CHRM5: variants seen among roughly 807,000 people sequenced by gnomAD.
CHRM5 encodes the protein muscarinic acetylcholine receptor M5.
In CHRM5, 18 loss-of-function variants were observed where a neutral mutation model predicts 39.0. The observed-to-expected ratio is 0.46, with a 90% CI of 0.32 to 0.68. The LOEUF is 0.68. Among genes scored for constraint, CHRM5 ranks in the 30% least tolerant of loss-of-function variants. The probability of loss-of-function intolerance (pLI) is 0.04; values close to 1 mark genes in which losing one functional copy is unlikely to be tolerated. For synonymous variants in CHRM5, 241 were observed against 246.3 expected (o/e 0.98, Z 0.20); for missense variants, 515 against 651.1 (o/e 0.79, Z 2.28).
At chr15:33,983,193 T>A (rs1896252532) in intron 1 of CHRM5, among the ~76,000 whole-genome samples, 1 of 55,040 alleles carries the variant, frequency 1.8e-5, no homozygotes, top group Non-Finnish European at 2.8e-5. Context: ...CGTGTGTGTA[T>A]GTGTGTGTAT....
At chr15:34,059,958 A>G (rs1000431303) in intron 2 of CHRM5, among the ~76,000 whole-genome samples, 3 of 152,146 alleles carry the variant, frequency 2.0e-5, no homozygotes, top group African/African-American at 7.2e-5. Context: ...CATAATAAAC[A>G]TTCAAATATT....
At chr15:34,029,855 T>C (rs550143923) in intron 1 of CHRM5, among the ~76,000 whole-genome samples, 1 of 152,352 alleles carries the variant, frequency 6.6e-6, no homozygotes, top group African/African-American at 2.4e-5. Context: ...CACTCTATTT[T>C]ATTATCAGCC....
intron 1 of CHRM5, chr15:34,003,344 T>A: frequency 2.7e-6 from 2 of 744,128 alleles, no homozygotes; most frequent in South Asian, 1.8e-5. Flanking sequence ...TATTAAATAT[T>A]ATTTTAAGAG....
rs117591652 is a variant in CHRM5 at position 34,061,490 on chromosome 15, A to G, written c.-75-1153A>G. On this transcript the variant is annotated intron_variant, in intron 2 of 2. Transcript: ENST00000383263. ...AAGGCACCCATTTAAAATAATTATT[A>G]GTATATGCATAGGGGAAATTGTATT... Among the ~76,000 whole-genome samples, 38 of 152,344 alleles carry G rather than the reference A, an allele frequency of 2.5e-4. No individual in the cohort carries two copies. The East Asian group carries it at 6.7e-3, about 27-fold the overall frequency.
intron 1 of CHRM5, among the ~76,000 whole-genome samples, chr15:34,008,830 A>C (rs1337693303): frequency 6.6e-6 from 1 of 152,166 alleles, no homozygotes; most frequent in Non-Finnish European, 1.5e-5. Flanking sequence ...ATGAACTTCT[A>C]GTGTATATGC....
At chr15:34,029,204 C>T (rs1256439367) in intron 1 of CHRM5, among the ~76,000 whole-genome samples, 2 of 152,170 alleles carry the variant, frequency 1.3e-5, no homozygotes, top group Admixed American at 6.6e-5. Flanking sequence ...ACCACCGCCA[C>T]TGCCAACTCT....
chr15:34,057,751 G>T (rs1900209043), intron 2 of CHRM5, among the ~76,000 whole-genome samples: 1 of 152,156 alleles, frequency 6.6e-6, no homozygotes, highest in South Asian at 2.1e-4. Flanking sequence ...AGCTATGATG[G>T]TGACACTGTT....
chr15:34,026,172 C>G (rs1031380298), intron 1 of CHRM5, among the ~76,000 whole-genome samples: 1 of 152,150 alleles, frequency 6.6e-6, no homozygotes, highest in Non-Finnish European at 1.5e-5. Flanking sequence ...CTTATAATTT[C>G]CACATATTGT....
Position 34,023,273 on chromosome 15 carries a change from CT to C in CHRM5, c.-407-23263del, listed in dbSNP as rs201923890. ...AGGCTTTCACTTCACAATCTGCCAGCTTTTCTTTACTTTTCTGAGTCCTCAG... is the reference window on the plus strand; with the variant it reads ...AGGCTTTCACTTCACAATCTGCCAGCTTTCTTTACTTTTCTGAGTCCTCAG... On this transcript the variant is annotated intron_variant, in intron 1 of 2. Coordinates refer to ENST00000383263, the MANE Select transcript of CHRM5 (RefSeq NM_012125.4). Among the ~76,000 whole-genome samples, 66 of 152,318 alleles carry C rather than the reference CT, an allele frequency of 4.3e-4. No individual in the cohort carries two copies. The East Asian group carries it at 9.8e-3, about 23-fold the overall frequency.
chr15:34,033,145 AT>A (rs1344824374), intron 1 of CHRM5, among the ~76,000 whole-genome samples: 6 of 152,214 alleles, frequency 3.9e-5, no homozygotes, highest in Non-Finnish European at 8.8e-5. Context: ...AGTAATGTTC[AT>A]CCACGGATAC....
At chr15:34,009,416 C>A (rs1479844706) in intron 1 of CHRM5, among the ~76,000 whole-genome samples, 3 of 152,074 alleles carry the variant, frequency 2.0e-5, no homozygotes, top group Non-Finnish European at 2.9e-5. Flanking sequence ...ATTTTAAAAG[C>A]AATTCTATAA....
chr15:34,058,001 G>C (rs1009399893), intron 2 of CHRM5, among the ~76,000 whole-genome samples: 6 of 152,248 alleles, frequency 3.9e-5, no homozygotes, highest in African/African-American at 1.4e-4. Flanking sequence ...GATTGTAGGG[G>C]CTAGCAAATC....
At chr15:34,024,719 C>G (rs7178436) in intron 1 of CHRM5, among the ~76,000 whole-genome samples, 147,644 of 148,810 alleles carry the variant, frequency 0.99, 73,254 homozygotes, top group Middle Eastern at 1. Context: ...AAATTAGCCA[C>G]GCATGGTGGC....
intron 1 of CHRM5, among the ~76,000 whole-genome samples, chr15:34,023,091 G>A (rs1201889843): frequency 6.6e-6 from 1 of 152,170 alleles, no homozygotes; most frequent in Non-Finnish European, 1.5e-5. Context: ...GGAGGCTGAG[G>A]CAGAACTGCT....
intron 1 of CHRM5, among the ~76,000 whole-genome samples, chr15:33,971,511 T>C (rs1352171555): frequency 1.3e-5 from 2 of 152,080 alleles, no homozygotes; most frequent in Admixed American, 6.6e-5. Flanking sequence ...CCATTTCGTG[T>C]ATGTTGACAT....
intron 2 of CHRM5, among the ~76,000 whole-genome samples, chr15:34,060,470 T>C (rs760911166): frequency 5.3e-5 from 8 of 152,168 alleles, no homozygotes; most frequent in Non-Finnish European, 1.0e-4. Context: ...CTTTGCAAAT[T>C]TGTCACCTTT....
chr15:34,023,039 T>C (rs926241974), intron 1 of CHRM5, among the ~76,000 whole-genome samples: 1 of 152,136 alleles, frequency 6.6e-6, no homozygotes, highest in Admixed American at 6.5e-5. Context: ...ACACAAAAAT[T>C]AGCCTGGCGT....
intron 1 of CHRM5, among the ~76,000 whole-genome samples, chr15:34,033,522 T>C (rs1268879593): frequency 6.7e-6 from 1 of 149,888 alleles, no homozygotes; most frequent in Admixed American, 6.6e-5. Context: ...AAAAAAAAAA[T>C]TGCAAATCAA....
chr15:33,989,300 C>A (rs574297603), intron 1 of CHRM5, among the ~76,000 whole-genome samples: 3 of 152,178 alleles, frequency 2.0e-5, no homozygotes, highest in Non-Finnish European at 2.9e-5. Context: ...ATATTCTAAC[C>A]CAACAGTTTG....
Sources: gnomAD v4.1 joint callset for allele counts (sites outside exome capture counted in the v4.1 genomes callset) on GRCh38, gnomAD v4.1.1 for gene constraint, MANE v1.5 for transcripts, NCBI Gene and HGNC (gene_info 2026-07-23, HGNC 2026-07-21) for gene names.